Variants in FARS2 observed in about 807,000 individuals in gnomAD.
The protein encoded by FARS2 is phenylalanyl-tRNA synthetase 2, mitochondrial.
Under a neutral mutation model 46.4 loss-of-function variants are expected in FARS2, and 40 were observed. The observed-to-expected ratio is 0.86, with a 90% CI of 0.67 to 1.12. The LOEUF is 1.12. Among genes scored for constraint, FARS2 ranks in the 50% most tolerant of loss-of-function variants. The probability of loss-of-function intolerance (pLI) is 0.00; values close to 1 mark genes in which losing one functional copy is unlikely to be tolerated. For missense variants in FARS2, 513 were observed against 567.9 expected, an observed-to-expected ratio of 0.90 and a Z score of 0.98; for synonymous variants, 234 against 214.9, an observed-to-expected ratio of 1.09 and a Z score of -0.78.
intron 1 of FARS2, among the ~76,000 whole-genome samples, chr6:5,345,846 A>G (rs1757196467): frequency 6.6e-6 from 1 of 152,224 alleles, no homozygotes; most frequent in Non-Finnish European, 1.5e-5. Context: ...ATAGGCCTAT[A>G]ATCTTTCACA....
At chr6:5,766,252 T>TG (rs1762743641) in intron 6 of FARS2, among the ~76,000 whole-genome samples, 1 of 152,254 alleles carries the variant, frequency 6.6e-6, no homozygotes, top group Non-Finnish European at 1.5e-5. Context: ...CTGCGTGAGT[T>TG]GGGGGAGGAC....
intron 4 of FARS2, among the ~76,000 whole-genome samples, chr6:5,512,666 G>GA (rs1195146203): frequency 6.6e-6 from 1 of 151,842 alleles, no homozygotes; most frequent in Admixed American, 6.6e-5. Context: ...ATGTGATAAA[G>GA]ACATTGATAA....
rs926625999 is a variant in FARS2 at position 5,427,574 on chromosome 6, C to T, written c.773-3467C>T. 4.6e-5 allele frequency among the ~76,000 whole-genome samples: 7 copies of T among 152,202 alleles called. No homozygotes were observed. The East Asian group carries it at 1.4e-3, about 29-fold the overall frequency. On this transcript the variant is annotated intron_variant, in intron 3 of 6. Coordinates refer to ENST00000274680, the MANE Select transcript of FARS2 (RefSeq NM_006567.5). ...TTAAAAACTTCCTGGTCTCATTAGA[C>T]ACAACTTTTACCAGTCTGTGTTTTC...
intron 1 of FARS2, among the ~76,000 whole-genome samples, chr6:5,322,615 G>A (rs1239310599): frequency 1.3e-5 from 2 of 152,182 alleles, no homozygotes; most frequent in African/African-American, 2.4e-5. Flanking sequence ...GGGAAGTAAG[G>A]TGAGGGTCCT....
chr6:5,452,661 GTGAA>G (rs1299349504), intron 4 of FARS2: 1 of 152,202 alleles, frequency 6.6e-6, no homozygotes, highest in African/African-American at 2.4e-5. Context: ...GTTTGGATGG[GTGAA>G]TGCATTTTGG....
chr6:5,331,415 C>T (rs1027377227), intron 1 of FARS2, among the ~76,000 whole-genome samples: 3 of 152,136 alleles, frequency 2.0e-5, no homozygotes, highest in Non-Finnish European at 4.4e-5. Flanking sequence ...AAGTTATACC[C>T]CTTGGGATTC....
At chr6:5,522,633 C>T (rs1769216028) in intron 4 of FARS2, among the ~76,000 whole-genome samples, 1 of 152,200 alleles carries the variant, frequency 6.6e-6, no homozygotes, top group Admixed American at 6.5e-5. Flanking sequence ...CTTTTAAGTT[C>T]CTCCTCCATC....
At chr6:5,486,836 C>T (rs938479984) in intron 4 of FARS2, among the ~76,000 whole-genome samples, 1 of 152,200 alleles carries the variant, frequency 6.6e-6, no homozygotes, top group African/African-American at 2.4e-5. Flanking sequence ...TGATCTACCT[C>T]TGTCTTCTGT....
Position 5,506,529 on chromosome 6 carries a change from C to T in FARS2, c.905-38651C>T, listed in dbSNP as rs1006197457. ...GTTTACAATTCTGCAGGCTCCTTCC[C>T]CATGTTTTGGTTGGGATCAGTGCAG... On this transcript the variant is annotated intron_variant, in intron 4 of 6. Coordinates refer to ENST00000274680, the MANE Select transcript of FARS2 (RefSeq NM_006567.5). Among the ~76,000 whole-genome samples, 4 of 152,172 alleles carry T rather than the reference C, an allele frequency of 2.6e-5. No individual in the cohort carries two copies. In the East Asian group the frequency reaches 7.7e-4, roughly 29 times the overall value.
chr6:5,398,247 TTTTC>T (rs1227135725), intron 2 of FARS2, among the ~76,000 whole-genome samples: 2 of 152,318 alleles, frequency 1.3e-5, no homozygotes, highest in Admixed American at 6.5e-5. Flanking sequence ...CAAATGGTTA[TTTTC>T]TTTCTAATTT....
At chr6:5,267,179 A>G (rs1394603347) in intron 1 of FARS2, among the ~76,000 whole-genome samples, 1 of 149,102 alleles carries the variant, frequency 6.7e-6, no homozygotes, top group African/African-American at 2.5e-5. Flanking sequence ...AAACTCATTA[A>G]TTCTTTTCAT....
intron 1 of FARS2, among the ~76,000 whole-genome samples, chr6:5,340,248 G>T (rs1404168551): frequency 2.6e-5 from 4 of 152,178 alleles, no homozygotes; most frequent in Non-Finnish European, 5.9e-5. Context: ...ACATGGCTTT[G>T]CCTCTGTCCA....
At chr6:5,326,651 C>T (rs1237071689) in intron 1 of FARS2, among the ~76,000 whole-genome samples, 1 of 152,210 alleles carries the variant, frequency 6.6e-6, no homozygotes, top group African/African-American at 2.4e-5. Context: ...CCTTCCACCC[C>T]CTTCAGGAAC....
chr6:5,467,088 T>C (rs1765556346), intron 4 of FARS2: 1 of 985,274 alleles, frequency 1.0e-6, no homozygotes, highest in East Asian at 1.1e-4. Context: ...AATAGTCACT[T>C]CCCGATTTAT....
chr6:5,390,022 G>A (rs534692845), intron 2 of FARS2, among the ~76,000 whole-genome samples: 95 of 152,108 alleles, frequency 6.2e-4, no homozygotes, highest in African/African-American at 2.0e-3. Context: ...GCGCCACCAC[G>A]CCAGGCTAAT....
At chr6:5,419,329 C>T (rs954814239) in intron 3 of FARS2, among the ~76,000 whole-genome samples, 9 of 152,192 alleles carry the variant, frequency 5.9e-5, no homozygotes, top group African/African-American at 2.2e-4. Flanking sequence ...TTTAAAGTCT[C>T]AGATTGTTTC....
chr6:5,476,598 A>G (rs561556303), intron 4 of FARS2, among the ~76,000 whole-genome samples: 3 of 152,318 alleles, frequency 2.0e-5, no homozygotes, highest in Admixed American at 2.0e-4. Context: ...GAAGTGAGGG[A>G]GGGAGATTAA....
chr6:5,492,554 A>T (rs537589087), intron 4 of FARS2, among the ~76,000 whole-genome samples: 13 of 152,390 alleles, frequency 8.5e-5, no homozygotes, highest in African/African-American at 3.1e-4. Flanking sequence ...TAATCATGTC[A>T]GCAAATATTT....
chr6:5,686,407 G>C (rs1281149284), intron 6 of FARS2, among the ~76,000 whole-genome samples: 1 of 151,528 alleles, frequency 6.6e-6, no homozygotes, highest in Middle Eastern at 3.2e-3. Context: ...CTGTGTCCAT[G>C]TGTTCTCATT....
Sources: allele counts gnomAD v4.1 joint callset (sites outside exome capture counted in the v4.1 genomes callset), GRCh38; gene constraint gnomAD v4.1.1; transcripts MANE v1.5; gene names NCBI Gene and HGNC (gene_info 2026-07-23, HGNC 2026-07-21).